KDM2A: variants seen among roughly 807,000 people sequenced by gnomAD.
KDM2A encodes the protein lysine-specific demethylase 2A.
KDM2A carries 3 observed loss-of-function variants against 137.3 expected under a neutral mutation model. The observed-to-expected ratio is 0.02, with a 90% CI of 0.01 to 0.06. The LOEUF (loss-of-function observed/expected upper bound fraction) is 0.06, where lower values mean the gene tolerates loss of function less well. Ranked by LOEUF, KDM2A falls within the 10% of genes least tolerant of loss-of-function variation. The pLI is 1.00. For synonymous variants in KDM2A, 512 were observed against 541.5 expected (o/e 0.95, Z 0.76); for missense variants, 738 against 1,510.6 (o/e 0.49, Z 8.48).
At chr11:67,243,135 T>C (rs1362960063) in intron 13 of KDM2A, 43 bp downstream of exon 13, 2 of 1,400,018 alleles carry the variant, frequency 1.4e-6, no homozygotes, top group Non-Finnish European at 2.0e-6. Context: ...CTTAAGCCTT[T>C]TGTTAGTTGA....
rs1192413716 is a variant in KDM2A, at chr11:67,254,760, G to C, written c.3308-114G>C. ...TCTGGTCTCTGAGCCAGGTAGTTGT[G>C]GGACAAAGAGGGCTTTTGTTTAGCA... On this transcript the variant is annotated intron_variant, in intron 20 of 20. Transcript: ENST00000529006. This position sits in a 1 kb window ranked among gnomAD's most constrained non-coding sequence, Gnocchi z 4.7. 1.0e-6 allele frequency: 1 copy of C among 973,712 alleles called. No homozygotes were observed. Among genetic ancestry groups the C allele is most frequent in the Non-Finnish European group, 1.5e-6 (1 of 652,230 alleles). The allele number at this position is 973,712 out of a possible 1,614,324, so 60.3% of individuals were successfully genotyped here.
chr11:67,134,472 A>G (rs539382097), intron 2 of KDM2A, among the ~76,000 whole-genome samples: 1 of 152,250 alleles, frequency 6.6e-6, no homozygotes, highest in East Asian at 1.9e-4. Flanking sequence ...ATTATCTGCT[A>G]TTCATTTTAT....
intron 2 of KDM2A, among the ~76,000 whole-genome samples, chr11:67,173,772 G>A (rs1217804630): frequency 1.3e-5 from 2 of 152,080 alleles, no homozygotes; most frequent in East Asian, 1.9e-4. Flanking sequence ...GAGTGCAGTA[G>A]CCCCATCATA....
chr11:67,210,215 G>A (rs1237339839), intron 6 of KDM2A, among the ~76,000 whole-genome samples: 1 of 151,894 alleles, frequency 6.6e-6, no homozygotes, highest in Non-Finnish European at 1.5e-5. Context: ...AGAAAAATTA[G>A]CCAGGCATGA....
At position 67,245,588 on chromosome 11, in the gene KDM2A, A is replaced by G. The variant is rs1204345578; in HGVS notation, c.1833+130A>G. ...AGGTTTATACTCTCTTTTTGGCTTTATTTTGTACCTTTTTTCCCCAGGTTT... is the reference window on the plus strand; with the variant it reads ...AGGTTTATACTCTCTTTTTGGCTTTGTTTTGTACCTTTTTTCCCCAGGTTT... On this transcript the variant is annotated intron_variant, in intron 14 of 20. Transcript: ENST00000529006. The surrounding 1 kb of genome is among the most constrained non-coding windows in gnomAD (Gnocchi z 4.1). 9.8e-7 allele frequency: 1 copy of G among 1,023,084 alleles called. No homozygotes were observed. Among genetic ancestry groups the G allele is most frequent in the East Asian group, 2.6e-5 (1 of 38,318 alleles). 63.4% of individuals were successfully genotyped at this position (1,023,084 alleles called of 1,614,324 possible).
At chr11:67,163,073 C>T (rs1856669127) in intron 2 of KDM2A, among the ~76,000 whole-genome samples, 1 of 151,834 alleles carries the variant, frequency 6.6e-6, no homozygotes, top group African/African-American at 2.4e-5. Context: ...TACTTCTCTT[C>T]TCCTTTAGTT....
rs71056184 is a variant in KDM2A, at chr11:67,201,772, C to CAAAAAAAAAAAAAAAAA, written c.308-5721_308-5705dup. Among the ~76,000 whole-genome samples the CAAAAAAAAAAAAAAAAA allele has an allele frequency of 1.9e-4, 7 of 37,818 alleles. 2 individuals are homozygous for CAAAAAAAAAAAAAAAAA. Among genetic ancestry groups the CAAAAAAAAAAAAAAAAA allele is most frequent in the African/African-American group, 5.9e-4 (5 of 8,496 alleles). 24.8% of individuals were successfully genotyped at this position (37,818 alleles called of 152,430 possible). A position where few individuals can be genotyped will look rare whatever the true frequency, so the allele number is the denominator to read the frequency against. On this transcript the variant is annotated intron_variant, in intron 5 of 20. Coordinates refer to ENST00000529006, the MANE Select transcript of KDM2A (RefSeq NM_012308.3). Reference sequence around the variant, plus strand: ...TAGGCAACAGAGCTAGACTCCATCTCAAAAAAAAAAAAAAAAAAAAAAAAA... The same window carrying CAAAAAAAAAAAAAAAAA: ...TAGGCAACAGAGCTAGACTCCATCTCAAAAAAAAAAAAAAAAAAAAAAAAAAAAAAAAAAAAAAAAAA...
chr11:67,229,731 G>A (rs772297693), intron 11 of KDM2A, among the ~76,000 whole-genome samples: 4 of 151,790 alleles, frequency 2.6e-5, no homozygotes, highest in East Asian at 1.9e-4. Flanking sequence ...TTAGCCAGGC[G>A]TGGTGTTGCG....
intron 12 of KDM2A, chr11:67,240,205 C>G: frequency 6.5e-7 from 1 of 1,534,684 alleles, no homozygotes; most frequent in Non-Finnish European, 8.7e-7. Context: ...ACTGCCCTGC[C>G]CTATGTGCTC....
Position 67,246,135 on chromosome 11 carries a change from G to C in KDM2A, c.1965+19G>C, listed in dbSNP as rs1384104149. 17 of 1,612,790 alleles carry C rather than the reference G, an allele frequency of 1.1e-5. No homozygotes were observed. Among genetic ancestry groups the C allele is most frequent in the Non-Finnish European group, 1.4e-5 (17 of 1,179,450 alleles). ...CCTCCAGGTGAGGAGAGCTATGAGG[G>C]GTTCCTGAAGTCTCAGCTAATGGAG... On this transcript the variant is annotated intron_variant, in intron 15 of 20. Coordinates refer to ENST00000529006, the MANE Select transcript of KDM2A (RefSeq NM_012308.3).
chr11:67,189,612 G>T (rs1044167313), intron 5 of KDM2A, among the ~76,000 whole-genome samples: 1 of 152,108 alleles, frequency 6.6e-6, no homozygotes, highest in East Asian at 1.9e-4. Flanking sequence ...GGCTGAGGCC[G>T]GTGGATCACC....
intron 2 of KDM2A, among the ~76,000 whole-genome samples, chr11:67,164,575 C>G (rs1160212280): frequency 6.6e-6 from 1 of 151,684 alleles, no homozygotes; most frequent in Non-Finnish European, 1.5e-5. Context: ...CCATGGCCTC[C>G]TAAAGCACTA....
chr11:67,201,236 A>G (rs113750876), intron 5 of KDM2A, among the ~76,000 whole-genome samples: 4,478 of 79,466 alleles, frequency 0.056, 152 homozygotes, highest in East Asian at 0.29. Flanking sequence ...GTGTGTGTGT[A>G]TATATATATA....
intron 2 of KDM2A, among the ~76,000 whole-genome samples, chr11:67,164,599 G>A (rs1023470511): frequency 4.0e-5 from 6 of 151,782 alleles, no homozygotes; most frequent in African/African-American, 1.5e-4. Context: ...TTACAGGCAT[G>A]AGCCATCACA....
intron 5 of KDM2A, among the ~76,000 whole-genome samples, chr11:67,203,499 T>A (rs565347755): frequency 4.7e-5 from 7 of 147,544 alleles, no homozygotes; most frequent in Non-Finnish European, 9.0e-5. Flanking sequence ...AATATATTTT[T>A]ATATAATATA....
intron 15 of KDM2A, among the ~76,000 whole-genome samples, chr11:67,246,935 T>TTTTTG (rs749852754): frequency 6.7e-6 from 1 of 149,874 alleles, no homozygotes; most frequent in African/African-American, 2.4e-5. Context: ...AAGAACCGGG[T>TTTTTG]TTTTGTTTTG....
At chr11:67,126,762 G>A (rs193178222) in intron 2 of KDM2A, among the ~76,000 whole-genome samples, 14 of 151,442 alleles carry the variant, frequency 9.2e-5, no homozygotes, top group East Asian at 5.8e-4. Flanking sequence ...TACCTATTAC[G>A]TGTGGAAAAG....
At chr11:67,229,507 C>T (rs755685086) in intron 11 of KDM2A, among the ~76,000 whole-genome samples, 1 of 152,170 alleles carries the variant, frequency 6.6e-6, no homozygotes, top group Non-Finnish European at 1.5e-5. Context: ...TTAATCCAAG[C>T]AAGATATTTT....
intron 8 of KDM2A, among the ~76,000 whole-genome samples, chr11:67,216,938 C>G (rs1486773640): frequency 1.4e-5 from 2 of 148,126 alleles, no homozygotes; most frequent in African/African-American, 5.0e-5. Context: ...AAACAAACAA[C>G]AACAACAAAA....
Sources: allele counts gnomAD v4.1 joint callset (sites outside exome capture counted in the v4.1 genomes callset), GRCh38; gene constraint gnomAD v4.1.1; non-coding constraint Gnocchi (gnomAD v3.1); transcripts MANE v1.5; gene names NCBI Gene and HGNC (gene_info 2026-07-23, HGNC 2026-07-21).